GALNT17: variants seen among roughly 807,000 people sequenced by gnomAD.
GALNT17 encodes the protein UDP-GalNAc:polypeptide N-acetylgalactosaminyltransferase-like 3.
A neutral mutation model predicts 63.7 loss-of-function variants in GALNT17; 29 were observed. The ratio of observed to expected loss-of-function variants is 0.46; its 90% CI spans 0.34 to 0.62. GALNT17 has a LOEUF of 0.62. Among genes scored for constraint, GALNT17 ranks in the 20% least tolerant of loss-of-function variants. The pLI, the probability that GALNT17 is intolerant of heterozygous loss-of-function variation, is 0.01. For synonymous variants in GALNT17, 305 were observed against 318.3 expected, an observed-to-expected ratio of 0.96 and a Z score of 0.45; for missense variants, 603 against 799.6, an observed-to-expected ratio of 0.75 and a Z score of 2.97.
At chr7:71,433,341 G>T (rs117844216) in intron 5 of GALNT17, among the ~76,000 whole-genome samples, 4,267 of 152,306 alleles carry the variant, frequency 0.028, 85 homozygotes, top group Non-Finnish European at 0.041. Context: ...CCACTACTAG[G>T]GGTCACCCCC....
chr7:71,474,992 C>T (rs564948172), intron 5 of GALNT17, among the ~76,000 whole-genome samples: 112 of 152,026 alleles, frequency 7.4e-4, no homozygotes, highest in Middle Eastern at 6.8e-3. Flanking sequence ...CAAGGAATGC[C>T]GGCAGCCACC....
intron 5 of GALNT17, among the ~76,000 whole-genome samples, chr7:71,451,223 A>G (rs11971260): frequency 0.035 from 5,256 of 152,214 alleles, 168 homozygotes; most frequent in African/African-American, 0.083. Context: ...GAATTGCATG[A>G]CATTTTTCTA....
At chr7:71,303,994 A>G (rs1156538504) in intron 1 of GALNT17, among the ~76,000 whole-genome samples, 2 of 152,220 alleles carry the variant, frequency 1.3e-5, no homozygotes, top group Non-Finnish European at 2.9e-5. Flanking sequence ...CTCAAGGTGC[A>G]CACTTGCATA....
At chr7:71,419,541 A>G (rs1786619518) in intron 4 of GALNT17, among the ~76,000 whole-genome samples, 1 of 152,238 alleles carries the variant, frequency 6.6e-6, no homozygotes, top group Non-Finnish European at 1.5e-5. Context: ...AGTCATTGTG[A>G]CTTGAATAAG....
chr7:71,631,382 G>A (rs1790451032), intron 6 of GALNT17, among the ~76,000 whole-genome samples: 1 of 151,792 alleles, frequency 6.6e-6, no homozygotes, highest in African/African-American at 2.4e-5. Flanking sequence ...TTGTAGAGAG[G>A]TCTCACTATG....
intron 1 of GALNT17, among the ~76,000 whole-genome samples, chr7:71,250,018 G>A (rs1313831403): frequency 3.3e-5 from 5 of 152,206 alleles, no homozygotes; most frequent in Admixed American, 3.3e-4. Context: ...AGTTTTTCAA[G>A]TGTGAACATA....
intron 1 of GALNT17, among the ~76,000 whole-genome samples, chr7:71,309,726 G>A (rs1030607271): frequency 6.6e-6 from 1 of 152,156 alleles, no homozygotes; most frequent in Non-Finnish European, 1.5e-5. Context: ...GAGGGAGAGT[G>A]GGGATGAATT....
At chr7:71,683,606 A>G (rs1216268784) in intron 9 of GALNT17, among the ~76,000 whole-genome samples, 1 of 152,218 alleles carries the variant, frequency 6.6e-6, no homozygotes, top group Non-Finnish European at 1.5e-5. Flanking sequence ...CGGGCCACTC[A>G]GAGAGCCTTG....
At chr7:71,691,180 C>T (rs577985311) in intron 9 of GALNT17, among the ~76,000 whole-genome samples, 1 of 152,274 alleles carries the variant, frequency 6.6e-6, no homozygotes, top group South Asian at 2.1e-4. Flanking sequence ...CAACATTCAG[C>T]AACCACCACC....
chr7:71,377,884 T>C (rs1792774701), intron 2 of GALNT17, among the ~76,000 whole-genome samples: 1 of 152,220 alleles, frequency 6.6e-6, no homozygotes, highest in African/African-American at 2.4e-5. Context: ...TGTTGCTTTC[T>C]GCTATGATTG....
intron 9 of GALNT17, among the ~76,000 whole-genome samples, chr7:71,686,214 C>T (rs1211993416): frequency 6.6e-6 from 1 of 152,084 alleles, no homozygotes; most frequent in Non-Finnish European, 1.5e-5. Flanking sequence ...CTAGGCCTCC[C>T]AAAGTTCTGG....
intron 5 of GALNT17, among the ~76,000 whole-genome samples, chr7:71,534,027 C>T (rs1788761872): frequency 6.6e-6 from 1 of 152,008 alleles, no homozygotes; most frequent in Non-Finnish European, 1.5e-5. Context: ...AGTTTCAATT[C>T]CCTGATACCG....
intron 5 of GALNT17, among the ~76,000 whole-genome samples, chr7:71,469,947 G>A (rs1457974671): frequency 6.6e-6 from 1 of 152,298 alleles, no homozygotes; most frequent in East Asian, 1.9e-4. Flanking sequence ...AGTGGCTCAC[G>A]CCTATAATCC....
chr7:71,698,653 C>G (rs547342168), intron 9 of GALNT17, among the ~76,000 whole-genome samples: 7 of 151,920 alleles, frequency 4.6e-5, no homozygotes, highest in Non-Finnish European at 1.0e-4. Context: ...GTCAACAAAT[C>G]AACCAAACGC....
intron 6 of GALNT17, among the ~76,000 whole-genome samples, chr7:71,596,255 G>C (rs938165957): frequency 2.0e-5 from 3 of 152,088 alleles, no homozygotes; most frequent in Non-Finnish European, 2.9e-5. Context: ...GGCCAGGCTG[G>C]TCTCAAACTC....
At chr7:71,384,364 C>T (rs1356625947) in intron 2 of GALNT17, among the ~76,000 whole-genome samples, 3 of 152,136 alleles carry the variant, frequency 2.0e-5, no homozygotes, top group Middle Eastern at 3.4e-3. Context: ...TGGAAAGAGA[C>T]GATGTGAAGA....
chr7:71,690,917 A>G (rs1472026316), intron 9 of GALNT17, among the ~76,000 whole-genome samples: 1 of 152,140 alleles, frequency 6.6e-6, no homozygotes, highest in Admixed American at 6.5e-5. Flanking sequence ...GATGGAATCT[A>G]CTCCTGATGG....
At chr7:71,633,903 G>A (rs964151374) in intron 6 of GALNT17, among the ~76,000 whole-genome samples, 8 of 152,202 alleles carry the variant, frequency 5.3e-5, no homozygotes, top group Admixed American at 1.3e-4. Context: ...AGCCAGCCCC[G>A]GGCAAGGCAG....
intron 7 of GALNT17, among the ~76,000 whole-genome samples, chr7:71,667,173 C>T (rs916971997): frequency 6.6e-6 from 1 of 152,130 alleles, no homozygotes; most frequent in Non-Finnish European, 1.5e-5. Flanking sequence ...ATGGCAGCCC[C>T]TATGTATCAG....
Sources: allele counts gnomAD v4.1 joint callset (sites outside exome capture counted in the v4.1 genomes callset), GRCh38; gene constraint gnomAD v4.1.1; transcripts MANE v1.5; gene names NCBI Gene and HGNC (gene_info 2026-07-23, HGNC 2026-07-21).